Variants in SNURF observed in about 807,000 individuals in gnomAD.
The protein encoded by SNURF is SNRPN upstream open reading frame.
A neutral mutation model predicts 11.6 loss-of-function variants in SNURF; 6 were observed. That is an observed-to-expected ratio of 0.52 (90% CI 0.28 to 1.02). SNURF has a LOEUF of 1.02. Among genes scored for constraint, SNURF ranks in the 50% least tolerant of loss-of-function variants. The probability of loss-of-function intolerance (pLI) is 0.09; values close to 1 mark genes in which losing one functional copy is unlikely to be tolerated. For missense variants in SNURF, 84 were observed against 88.4 expected (o/e 0.95, Z 0.20); for synonymous variants, 29 against 31.6 (o/e 0.92, Z 0.27).
chr15:24,968,536 T>A (rs1403912315), downstream of SNURF: 1 of 154,940 alleles, frequency 6.5e-6, no homozygotes, highest in Non-Finnish European at 1.4e-5. Context: ...TAAGGTACAT[T>A]TTTCTAAATT....
downstream of SNURF, among the ~76,000 whole-genome samples, chr15:24,970,546 T>C (rs2076272403): frequency 6.6e-6 from 1 of 152,178 alleles, no homozygotes; most frequent in African/African-American, 2.4e-5. Context: ...GCCACTGCGC[T>C]TCAGCCTGCG....
intron 6 of SNURF, among the ~76,000 whole-genome samples, chr15:24,977,589 G>A (rs2077210193): frequency 6.6e-6 from 1 of 152,130 alleles, no homozygotes; most frequent in Non-Finnish European, 1.5e-5. Flanking sequence ...AGTGAGCTGA[G>A]ATTGCGCCAT....
chr15:24,960,417 TG>T (rs2074579677), intron 1 of SNURF, among the ~76,000 whole-genome samples: 1 of 152,036 alleles, frequency 6.6e-6, no homozygotes, highest in Admixed American at 6.6e-5. Flanking sequence ...CTCAGGTCAC[TG>T]CAACCTCTGC....
intron 2 of SNURF, among the ~76,000 whole-genome samples, chr15:24,966,444 G>C (rs2075648420): frequency 6.6e-6 from 1 of 152,004 alleles, no homozygotes; most frequent in Admixed American, 6.6e-5. Flanking sequence ...TTTTTGTTGG[G>C]GATTCATTAT....
chr15:24,954,995 G>T, exon 1 of SNURF: 1 of 1,610,194 alleles, frequency 6.2e-7, no homozygotes, highest in Non-Finnish European at 8.5e-7. Context: ...GCGCAGAGTG[G>T]AGCGGCCGCC....
At chr15:24,958,227 G>A (rs393784) in intron 1 of SNURF, among the ~76,000 whole-genome samples, 19,565 of 152,030 alleles carry the variant, frequency 0.13, 2,418 homozygotes, top group African/African-American at 0.33. Context: ...TTGTTTATAA[G>A]GTGTCAAGGA....
At chr15:24,973,620 G>A (rs1046531593), downstream of SNURF, among the ~76,000 whole-genome samples, 2 of 152,048 alleles carry the variant, frequency 1.3e-5, no homozygotes, top group African/African-American at 4.8e-5. Flanking sequence ...GGCTGGTCTC[G>A]AACTCTTGAC....
chr15:24,968,146 C>T, exon 3 of SNURF: 3 of 943,404 alleles, frequency 3.2e-6, no homozygotes, highest in South Asian at 2.7e-5. Flanking sequence ...GTTGGGGGTT[C>T]TCTTAATTAT....
chr15:24,955,507 G>A (rs1286921923), intron 1 of SNURF, among the ~76,000 whole-genome samples: 4 of 151,242 alleles, frequency 2.6e-5, no homozygotes, highest in African/African-American at 7.3e-5. Flanking sequence ...GTGGCGGGGC[G>A]AAGGTACGTG....
downstream of SNURF, among the ~76,000 whole-genome samples, chr15:24,969,163 C>T (rs1001412574): frequency 1.3e-5 from 2 of 152,126 alleles, no homozygotes; most frequent in African/African-American, 4.8e-5. Flanking sequence ...AAGTTTCACT[C>T]TGTTGCCCAG....
intron 2 of SNURF, among the ~76,000 whole-genome samples, 179 bp downstream of exon 2, chr15:24,962,388 C>T (rs954577837): frequency 6.6e-6 from 1 of 152,184 alleles, no homozygotes; most frequent in African/African-American, 2.4e-5. Context: ...AATAATTCAC[C>T]CTCTTAAAGA....
At chr15:24,974,280 C>T (rs2076811813) in intron 3 of SNURF, 5 of 629,226 alleles carry the variant, frequency 7.9e-6, no homozygotes, top group Non-Finnish European at 1.4e-5. Context: ...TGGTAGATTG[C>T]AGTGCAGCTT....
intron 3 of SNURF, among the ~76,000 whole-genome samples, chr15:24,973,982 TATTA>T (rs925120164): frequency 1.2e-4 from 19 of 152,306 alleles, no homozygotes; most frequent in South Asian, 6.2e-4. Context: ...GATGACTTCA[TATTA>T]ATTCTGAACT....
At position 24,961,022 on chromosome 15, in the gene SNURF, ATT is replaced by A. The variant is rs143103675; in HGVS notation, c.15-1087_15-1086del. 2.0e-5 allele frequency among the ~76,000 whole-genome samples: 3 copies of A among 151,832 alleles called. No individual in the cohort carries two copies. In the South Asian group the frequency reaches 6.2e-4, roughly 31 times the overall value. ...AAACTTAGCTGTATGTTAAGCAAAT[ATT>A]TTTTCCTATTCTGGTTATCCTTTCA... On this transcript the variant is annotated intron_variant, in intron 1 of 2. Coordinates refer to ENST00000577949, the Ensembl canonical transcript of SNURF.
At chr15:24,968,232 G>T in exon 3 of SNURF, 1 of 573,362 alleles carries the variant, frequency 1.7e-6, no homozygotes, top group Non-Finnish European at 3.1e-6. Context: ...AGTTTTGCAG[G>T]ACCTTAAATT....
chr15:24,972,255 CAA>C (rs5811371), downstream of SNURF, among the ~76,000 whole-genome samples: 22 of 108,196 alleles, frequency 2.0e-4, no homozygotes, highest in Middle Eastern at 5.0e-3. Context: ...GACTCTGTCT[CAA>C]AAAAAAAAAA....
chr15:24,977,102 C>A, intron 6 of SNURF: 2 of 1,270,088 alleles, frequency 1.6e-6, no homozygotes, highest in African/African-American at 1.5e-5. Context: ...GATTTAAAAA[C>A]CTAAGTGTAT....
downstream of SNURF, among the ~76,000 whole-genome samples, chr15:24,971,383 T>C (rs942364589): frequency 1.3e-5 from 2 of 152,190 alleles, no homozygotes; most frequent in Non-Finnish European, 2.9e-5. Context: ...TACAAGGTCA[T>C]GACTACATTG....
chr15:24,968,123 T>A, exon 3 of SNURF: 3 of 1,185,318 alleles, frequency 2.5e-6, no homozygotes, highest in African/African-American at 1.5e-5. Flanking sequence ...AAAGAATCAT[T>A]AAAGAATGGG....
Sources: allele counts gnomAD v4.1 joint callset (sites outside exome capture counted in the v4.1 genomes callset), GRCh38; gene constraint gnomAD v4.1.1; transcripts MANE v1.5; gene names NCBI Gene and HGNC (gene_info 2026-07-23, HGNC 2026-07-21).